CTTNBP2NL: variants seen among roughly 807,000 people sequenced by gnomAD.
CTTNBP2NL encodes the protein CTTNBP2 N-terminal like.
In CTTNBP2NL, 16 loss-of-function variants were observed where a neutral mutation model predicts 32.5. The ratio of observed to expected loss-of-function variants is 0.49; its 90% CI spans 0.33 to 0.75. CTTNBP2NL has a LOEUF of 0.75. Among genes scored for constraint, CTTNBP2NL ranks in the 30% least tolerant of loss-of-function variants. The pLI is 0.02. For missense variants in CTTNBP2NL, 645 were observed against 756.0 expected (o/e 0.85, Z 1.72); for synonymous variants, 298 against 289.4 (o/e 1.03, Z -0.30).
chr1:112,432,385 ATACT>A (rs1649593855), intron 3 of CTTNBP2NL, among the ~76,000 whole-genome samples: 1 of 152,096 alleles, frequency 6.6e-6, no homozygotes, highest in Non-Finnish European at 1.5e-5. Flanking sequence ...TTATGAGAAA[ATACT>A]TACTGATGAT....
At chr1:112,447,760 G>A (rs1570743310) in intron 3 of CTTNBP2NL, among the ~76,000 whole-genome samples, 1 of 152,046 alleles carries the variant, frequency 6.6e-6, no homozygotes, top group East Asian at 1.9e-4. Context: ...TTTGTGGATG[G>A]CAGTGCTAAG....
At chr1:112,392,236 C>T (rs898179659), upstream of CTTNBP2NL, among the ~76,000 whole-genome samples, 1 of 152,112 alleles carries the variant, frequency 6.6e-6, no homozygotes, top group African/African-American at 2.4e-5. Flanking sequence ...TGACTTTGGA[C>T]CTCTTTGTGC....
chr1:112,415,139 C>T (rs1030133051), intron 2 of CTTNBP2NL, among the ~76,000 whole-genome samples: 2 of 152,004 alleles, frequency 1.3e-5, no homozygotes, highest in Admixed American at 6.6e-5. Context: ...TGCAGTGAGC[C>T]GTGTTTGCAC....
chr1:112,452,310 G>A (rs1438932850), intron 4 of CTTNBP2NL, among the ~76,000 whole-genome samples: 1 of 139,352 alleles, frequency 7.2e-6, no homozygotes. Flanking sequence ...GGGACTACAA[G>A]CATACACCAC....
At chr1:112,438,111 T>C (rs1649789196) in intron 3 of CTTNBP2NL, among the ~76,000 whole-genome samples, 1 of 152,202 alleles carries the variant, frequency 6.6e-6, no homozygotes, top group African/African-American at 2.4e-5. Context: ...CTGTAATCCA[T>C]CTTGAGTTAA....
At chr1:112,391,652 C>A (rs1648184937), upstream of CTTNBP2NL, among the ~76,000 whole-genome samples, 2 of 152,242 alleles carry the variant, frequency 1.3e-5, no homozygotes, top group African/African-American at 4.8e-5. Flanking sequence ...AGCTACTAAG[C>A]CTTCATTGCC....
At chr1:112,439,153 T>C (rs1649826073) in intron 3 of CTTNBP2NL, among the ~76,000 whole-genome samples, 1 of 152,160 alleles carries the variant, frequency 6.6e-6, no homozygotes, top group African/African-American at 2.4e-5. Flanking sequence ...GGATGTATGA[T>C]TACACTGTCC....
At chr1:112,436,825 T>C (rs1241862787) in intron 3 of CTTNBP2NL, among the ~76,000 whole-genome samples, 2 of 152,146 alleles carry the variant, frequency 1.3e-5, no homozygotes, top group Non-Finnish European at 2.9e-5. Flanking sequence ...TGTCAAATAG[T>C]CCCCAGTGTC....
At chr1:112,404,995 AGGCCGAGGTTGCG>A (rs1489357782) in intron 1 of CTTNBP2NL, among the ~76,000 whole-genome samples, 6 of 1,910 alleles carry the variant, frequency 3.1e-3, no homozygotes, top group Middle Eastern at 0.25. Context: ...GGTTGCGGTG[AGGCCGAGGTTGCG>A]GTGAGCCGAG....
At chr1:112,408,562 T>A (rs904792432) in intron 1 of CTTNBP2NL, among the ~76,000 whole-genome samples, 7 of 152,200 alleles carry the variant, frequency 4.6e-5, no homozygotes, top group Admixed American at 6.5e-5. Context: ...TGTATACATT[T>A]TAATTTTTTT....
At chr1:112,430,206 CT>C (rs1445634231) in intron 3 of CTTNBP2NL, among the ~76,000 whole-genome samples, 1 of 39,682 alleles carries the variant, frequency 2.5e-5, no homozygotes, top group Admixed American at 3.3e-4. Context: ...CTTTTCTTTT[CT>C]TTTCTTTTCT....
In CTTNBP2NL at chr1:112,456,263, G is replaced by A; in HGVS notation, c.771G>A (p.Glu257=). 6.2e-7 allele frequency: 1 copy of A among 1,614,102 alleles called. No individual in the cohort carries two copies. Among genetic ancestry groups the A allele is most frequent in the Non-Finnish European group, 8.5e-7 (1 of 1,180,042 alleles). ...EQLRAKLNRE[E]NRTKTLKEEM... ...TGAGAGCAAAACTGAACCGAGAAGA[G>A]AACCGGACCAAAACCCTGAAAGAAG... The change falls in exon 6 of 6, where the codon GAG becomes GAA. Residue 257 remains glutamate (E), a synonymous_variant. Coordinates refer to ENST00000271277, the MANE Select transcript of CTTNBP2NL (RefSeq NM_018704.3).
At chr1:112,396,916 C>G (rs1648348379) in intron 1 of CTTNBP2NL, among the ~76,000 whole-genome samples, 1 of 152,202 alleles carries the variant, frequency 6.6e-6, no homozygotes, top group South Asian at 2.1e-4. Flanking sequence ...CTGTTTTGGA[C>G]TGTGAAAGAG....
At chr1:112,409,792 C>T (rs1648798438) in intron 1 of CTTNBP2NL, among the ~76,000 whole-genome samples, 1 of 152,144 alleles carries the variant, frequency 6.6e-6, no homozygotes, top group East Asian at 1.9e-4. Flanking sequence ...GAAGCATAAC[C>T]GAAACCAGAA....
chr1:112,403,722 A>C (rs1648573939), intron 1 of CTTNBP2NL, among the ~76,000 whole-genome samples: 1 of 152,238 alleles, frequency 6.6e-6, no homozygotes, highest in African/African-American at 2.4e-5. Context: ...TAAAGGCACA[A>C]AAAACTAATC....
chr1:112,413,898 AT>A (rs1444355528), intron 2 of CTTNBP2NL, among the ~76,000 whole-genome samples: 1 of 151,656 alleles, frequency 6.6e-6, no homozygotes, highest in African/African-American at 2.4e-5. Flanking sequence ...AAATACAAAA[AT>A]TAGCTGGGCA....
At chr1:112,420,506 G>A (rs1036560860) in intron 3 of CTTNBP2NL, among the ~76,000 whole-genome samples, 11 of 151,104 alleles carry the variant, frequency 7.3e-5, no homozygotes, top group East Asian at 3.9e-4. Context: ...TTACTCTGTC[G>A]CCTAGGCTAG....
At chr1:112,401,813 A>T (rs1232596000) in intron 1 of CTTNBP2NL, among the ~76,000 whole-genome samples, 1 of 152,178 alleles carries the variant, frequency 6.6e-6, no homozygotes, top group East Asian at 1.9e-4. Context: ...CAAACTCTGC[A>T]TTTCAGGTAC....
intron 3 of CTTNBP2NL, among the ~76,000 whole-genome samples, chr1:112,440,770 C>T (rs995377743): frequency 2.0e-5 from 3 of 152,080 alleles, no homozygotes; most frequent in South Asian, 2.1e-4. Flanking sequence ...GGGAAAGTCA[C>T]GTGTTTGATA....
Sources: gnomAD v4.1 joint callset for allele counts (sites outside exome capture counted in the v4.1 genomes callset) on GRCh38, gnomAD v4.1.1 for gene constraint, MANE v1.5 for transcripts, NCBI Gene and HGNC (gene_info 2026-07-23, HGNC 2026-07-21) for gene names.